Variants in TCEA1 observed in about 807,000 individuals in gnomAD.
The protein encoded by TCEA1 is transcription elongation factor A1.
TCEA1 carries 21 observed loss-of-function variants against 43.8 expected under a neutral mutation model. The ratio of observed to expected loss-of-function variants is 0.48; its 90% CI spans 0.34 to 0.69. TCEA1 has a LOEUF of 0.69. Ranked by LOEUF, TCEA1 falls within the 30% of genes least tolerant of loss-of-function variation. The pLI is 0.01. For missense variants in TCEA1, 250 were observed against 365.1 expected (o/e 0.68, Z 2.57); for synonymous variants, 104 against 117.5 (o/e 0.88, Z 0.75).
chr8:53,981,057 C>A (rs1803485106), intron 7 of TCEA1, among the ~76,000 whole-genome samples: 1 of 152,122 alleles, frequency 6.6e-6, no homozygotes, highest in Non-Finnish European at 1.5e-5. Flanking sequence ...AGAAAAAGGC[C>A]TTAACTCTTT....
At chr8:53,985,316 C>T (rs1326222560) in intron 6 of TCEA1, among the ~76,000 whole-genome samples, 1 of 152,210 alleles carries the variant, frequency 6.6e-6, no homozygotes, top group East Asian at 1.9e-4. Context: ...CGCGCCCGGC[C>T]TAGTCATGTT....
intron 7 of TCEA1, among the ~76,000 whole-genome samples, chr8:53,980,052 T>C (rs1271146545): frequency 6.6e-6 from 1 of 152,112 alleles, no homozygotes; most frequent in East Asian, 1.9e-4. Flanking sequence ...TAAAACTCTT[T>C]CTTAACCGCA....
At chr8:54,012,419 G>A (rs1804679574) in intron 1 of TCEA1, among the ~76,000 whole-genome samples, 1 of 152,136 alleles carries the variant, frequency 6.6e-6, no homozygotes, top group South Asian at 2.1e-4. Context: ...AATTAGCTGG[G>A]CGTGGTGGCG....
In TCEA1 at chr8:54,018,257, A is replaced by G. The variant is rs577723488; in HGVS notation, c.63+3806T>C. Among the ~76,000 whole-genome samples, 154 of 152,282 alleles carry G rather than the reference A, an allele frequency of 1.0e-3. 1 individual carries two copies. Among genetic ancestry groups the G allele is most frequent in the African/African-American group, 3.5e-3 (146 of 41,562 alleles). ...TGCAATTTAATTCCACTCAACCTTG[A>G]GCCTTCAATGAAATAAATAAATAAA... is the stretch of plus-strand genomic sequence containing the variant. On this transcript the variant is annotated intron_variant, in intron 1 of 9. Coordinates refer to ENST00000521604, the MANE Select transcript of TCEA1 (RefSeq NM_006756.4).
intron 2 of TCEA1, among the ~76,000 whole-genome samples, chr8:54,007,651 A>T (rs968805628): frequency 1.3e-5 from 2 of 152,090 alleles, no homozygotes; most frequent in African/African-American, 4.8e-5. Context: ...CACAACTGAA[A>T]GAAATATTCA....
At chr8:53,980,660 C>T (rs374507034) in intron 7 of TCEA1, among the ~76,000 whole-genome samples, 62 of 152,274 alleles carry the variant, frequency 4.1e-4, no homozygotes, top group African/African-American at 1.4e-3. Flanking sequence ...ACTCTTTCCC[C>T]GTCTCTCTTC....
At chr8:53,992,781 C>A (rs1563488532) in intron 4 of TCEA1, among the ~76,000 whole-genome samples, 2 of 152,202 alleles carry the variant, frequency 1.3e-5, no homozygotes, top group South Asian at 4.2e-4. Context: ...ACCAGCTTCC[C>A]AAGAACAGAA....
intron 8 of TCEA1, chr8:53,971,931 A>C (rs957398911): frequency 5.4e-6 from 1 of 183,958 alleles, no homozygotes; most frequent in Non-Finnish European, 1.1e-5. Flanking sequence ...AGCTCCCAAC[A>C]TAAGTCCAAA....
chr8:54,006,764 T>A (rs1240673172), intron 2 of TCEA1, among the ~76,000 whole-genome samples: 1 of 152,224 alleles, frequency 6.6e-6, no homozygotes, highest in Non-Finnish European at 1.5e-5. Flanking sequence ...GACAGAAACC[T>A]GAACTCAGAA....
Position 53,987,025 on chromosome 8 carries a change from T to A in TCEA1, c.467A>T (p.Asp156Val), listed in dbSNP as rs1172916870. 3 of 1,594,618 alleles carry A rather than the reference T, an allele frequency of 1.9e-6. No homozygotes were observed. Among genetic ancestry groups the A allele is most frequent in the Non-Finnish European group, 2.6e-6 (3 of 1,171,500 alleles). ...ATCAGCTCCAATTGCAATGTAGTCATCTAAAAATAGGCATAAAGAATTGTC... is the reference window on the plus strand; with the variant it reads ...ATCAGCTCCAATTGCAATGTAGTCAACTAAAAATAGGCATAAAGAATTGTC... ...EMLAAALRTG[D>V]DYIAIGADEE... The change falls in exon 6 of 10, where the codon GAT becomes GTT. Residue 156 changes from aspartate to valine, a missense_variant and splice_region_variant. Asp to Val is a radical substitution (Grantham distance 152). Coordinates refer to ENST00000521604, the MANE Select transcript of TCEA1 (RefSeq NM_006756.4).
intron 1 of TCEA1, among the ~76,000 whole-genome samples, chr8:54,014,193 C>T (rs1241203717): frequency 1.3e-5 from 2 of 152,318 alleles, no homozygotes; most frequent in Admixed American, 1.3e-4. Context: ...TCGCCTGACC[C>T]TTATACTGCT....
chr8:53,972,303 AATGAAGAGGAGG>A, intron 8 of TCEA1: 1 of 443,186 alleles, frequency 2.3e-6, no homozygotes, highest in Non-Finnish European at 4.4e-6. Flanking sequence ...TGATGATGAA[AATGAAGAGGAGG>A]ATGAAGAGAA....
chr8:53,980,058 C>G (rs1212561147), intron 7 of TCEA1, among the ~76,000 whole-genome samples: 1 of 152,120 alleles, frequency 6.6e-6, no homozygotes, highest in Non-Finnish European at 1.5e-5. Context: ...TCTTTCTTAA[C>G]CGCAATAGCG....
intron 8 of TCEA1, 109 bp downstream of exon 8, chr8:53,978,916 A>G: frequency 7.7e-7 from 1 of 1,294,564 alleles, no homozygotes; most frequent in Non-Finnish European, 1.1e-6. Context: ...ATATCCCTCC[A>G]TGGATAAGTG....
At chr8:53,999,699 C>T (rs1804191024) in intron 3 of TCEA1, 1 of 394,720 alleles carries the variant, frequency 2.5e-6, no homozygotes, top group East Asian at 3.7e-5. Context: ...AGAGAAAATT[C>T]TTCTTACTGA....
At chr8:53,994,417 A>G (rs1803982402) in intron 3 of TCEA1, among the ~76,000 whole-genome samples, 3 of 152,234 alleles carry the variant, frequency 2.0e-5, no homozygotes, top group African/African-American at 4.8e-5. Context: ...CCATAAAGTT[A>G]GAAAATTTAA....
chr8:53,972,969 A>G (rs1803209635), intron 8 of TCEA1: 1 of 665,586 alleles, frequency 1.5e-6, no homozygotes, highest in African/African-American at 1.8e-5. Flanking sequence ...CTGCAATGGG[A>G]ACATCAATGG....
At chr8:54,020,577 G>C (rs1804989492) in intron 1 of TCEA1, among the ~76,000 whole-genome samples, 1 of 152,198 alleles carries the variant, frequency 6.6e-6, no homozygotes, top group Non-Finnish European at 1.5e-5. Context: ...ATGCTGTCCA[G>C]AAGAAAACCT....
chr8:54,019,871 T>C lies in TCEA1; in HGVS notation c.63+2192A>G, dbSNP rs191431790. Among the ~76,000 whole-genome samples the C allele has an allele frequency of 3.0e-3, 458 of 152,316 alleles. 2 individuals carry two copies. The highest frequency in any genetic ancestry group is 0.011 in the African/African-American group (449 of 41,558). ...CAAAAGTACAAGAGCCAGTCAGTTT[T>C]ACCTTTCTTTTTGGGAGGCAAGTTT... On this transcript the variant is annotated intron_variant, in intron 1 of 9. Coordinates refer to ENST00000521604, the MANE Select transcript of TCEA1 (RefSeq NM_006756.4).
Sources: allele counts gnomAD v4.1 joint callset (sites outside exome capture counted in the v4.1 genomes callset), GRCh38; gene constraint gnomAD v4.1.1; transcripts MANE v1.5; gene names NCBI Gene and HGNC (gene_info 2026-07-23, HGNC 2026-07-21).